The following ZPBP2 variants were observed in gnomAD, a reference collection of about 807,000 sequenced individuals.
The protein encoded by ZPBP2 is zona pellucida-binding protein 2.
Under a neutral mutation model 37.5 loss-of-function variants are expected in ZPBP2, and 34 were observed. The ratio of observed to expected loss-of-function variants is 0.91; its 90% CI spans 0.69 to 1.21. The LOEUF (loss-of-function observed/expected upper bound fraction) is 1.21, where lower values mean the gene tolerates loss of function less well. Among genes scored for constraint, ZPBP2 ranks in the 50% most tolerant of loss-of-function variants. The pLI is 0.00. For synonymous variants in ZPBP2, 143 were observed against 138.4 expected, an observed-to-expected ratio of 1.03 and a Z score of -0.23; for missense variants, 397 against 413.5, an observed-to-expected ratio of 0.96 and a Z score of 0.35.
At chr17:39,871,895 T>C (rs1302975378) in intron 4 of ZPBP2, among the ~76,000 whole-genome samples, 1 of 152,184 alleles carries the variant, frequency 6.6e-6, no homozygotes, top group African/African-American at 2.4e-5. Context: ...ATTTAAAAAC[T>C]GATCTTTAAT....
rs570927861 is a variant in ZPBP2 at position 39,870,200 on chromosome 17, C to T, written c.119-494C>T. 1.6e-4 allele frequency among the ~76,000 whole-genome samples: 24 copies of T among 152,188 alleles called. No individual in the cohort carries two copies. In the East Asian group the frequency reaches 3.7e-3, roughly 23 times the overall value. On this transcript the variant is annotated intron_variant, in intron 2 of 7. Coordinates refer to ENST00000348931, the MANE Select transcript of ZPBP2 (RefSeq NM_199321.3). ...CTGGGATTATAGGCCCACATTACCA[C>T]GCCAAGCTAAGTTTTGTATTTTTAG...
Position 39,868,631 on chromosome 17 carries a change from C to A in ZPBP2, c.118+17C>A, listed in dbSNP as rs888758016. 2.5e-6 allele frequency: 4 copies of A among 1,613,846 alleles called. No individual in the cohort carries two copies. Among genetic ancestry groups the A allele is most frequent in the East Asian group, 4.5e-5 (2 of 44,892 alleles). ...GACAGCCAGGTAATAAGGGCCTCTG[C>A]ACACGCGGGCCCATTGGAGGGGCCG... On this transcript the variant is annotated intron_variant, in intron 2 of 7. Coordinates refer to ENST00000348931, the MANE Select transcript of ZPBP2 (RefSeq NM_199321.3).
intron 4 of ZPBP2, 24 bp downstream of exon 4, chr17:39,871,649 C>T (rs745330402): frequency 2.9e-5 from 44 of 1,506,864 alleles, no homozygotes; most frequent in Admixed American, 6.9e-5. Flanking sequence ...CACATTTTAA[C>T]TTATACATTT....
intron 2 of ZPBP2, among the ~76,000 whole-genome samples, chr17:39,869,154 G>A (rs1484546622): frequency 1.3e-5 from 2 of 152,134 alleles, no homozygotes; most frequent in East Asian, 1.9e-4. Context: ...CAACCAAATT[G>A]TAGGACGTTG....
intron 7 of ZPBP2, among the ~76,000 whole-genome samples, chr17:39,875,898 T>C (rs1462246802): frequency 3.6e-5 from 4 of 110,544 alleles, no homozygotes; most frequent in Non-Finnish European, 7.9e-5. Flanking sequence ...TTTTTTTTTT[T>C]TTTTTTTTTT....
Position 39,874,150 on chromosome 17 carries a change from C to A in ZPBP2, c.708+1024C>A, listed in dbSNP as rs113768109. Among the ~76,000 whole-genome samples the A allele has an allele frequency of 6.4e-3, 969 of 151,898 alleles. 10 individuals carry two copies. Among genetic ancestry groups the A allele is most frequent in the African/African-American group, 0.022 (895 of 41,394 alleles). The stretch of plus-strand genomic sequence containing the variant: ...AAAGGTGCACACCACCACACCCACA[C>A]CCGGCTAATTTTTTGTGTTTTTATC... On this transcript the variant is annotated intron_variant, in intron 6 of 7. Coordinates refer to ENST00000348931, the MANE Select transcript of ZPBP2 (RefSeq NM_199321.3).
Position 39,876,161 on chromosome 17 carries a change from T to C in ZPBP2, c.890-521T>C, listed in dbSNP as rs535638859. Among the ~76,000 whole-genome samples, 8 of 152,120 alleles carry C rather than the reference T, an allele frequency of 5.3e-5. No homozygotes were observed. The East Asian group carries it at 5.8e-4, about 11-fold the overall frequency. On this transcript the variant is annotated intron_variant, in intron 7 of 7. Transcript: ENST00000348931. ...TTGGAATTCCTGGGCTCAAGCAATCTGCCCGCCTTGGCCTCCCAAAGTGCT... is the reference window on the plus strand; with the variant it reads ...TTGGAATTCCTGGGCTCAAGCAATCCGCCCGCCTTGGCCTCCCAAAGTGCT...
chr17:39,873,022 C>CTA, intron 5 of ZPBP2, 22 bp from the exon 6 acceptor site: 4 of 1,606,350 alleles, frequency 2.5e-6, no homozygotes, highest in Non-Finnish European at 3.4e-6. Context: ...CTTTGTGAGT[C>CTA]TATCATTTTT....
At chr17:39,869,986 T>C (rs1297189064) in intron 2 of ZPBP2, among the ~76,000 whole-genome samples, 2 of 152,132 alleles carry the variant, frequency 1.3e-5, no homozygotes, top group Non-Finnish European at 2.9e-5. Flanking sequence ...AGTGCTGGGA[T>C]TACAGGCATG....
At chr17:39,871,252 A>C (rs1212817684) in intron 3 of ZPBP2, among the ~76,000 whole-genome samples, 1 of 152,216 alleles carries the variant, frequency 6.6e-6, no homozygotes, top group East Asian at 1.9e-4. Flanking sequence ...CTAGATGCCA[A>C]GAAACAAAGA....
intron 1 of ZPBP2, 36 bp downstream of exon 1, chr17:39,868,442 C>T: frequency 6.2e-7 from 1 of 1,611,828 alleles, no homozygotes; most frequent in East Asian, 2.2e-5. Context: ...AGGCCTCTCC[C>T]TCTGCCCGAG....
intron 2 of ZPBP2, among the ~76,000 whole-genome samples, chr17:39,869,567 G>C (rs1387258363): frequency 7.0e-6 from 1 of 143,338 alleles, no homozygotes; most frequent in East Asian, 1.9e-4. Context: ...ACCACGCCTG[G>C]CTAATTTCTG....
chr17:39,875,548 A>T (rs987978794), intron 7 of ZPBP2, 114 bp downstream of exon 7: 1 of 838,070 alleles, frequency 1.2e-6, no homozygotes, highest in Non-Finnish European at 1.6e-6. Flanking sequence ...TTACCAAAAA[A>T]TATATATATA....
chr17:39,868,467 C>T (rs2063346173), intron 1 of ZPBP2, 61 bp downstream of exon 1: 2 of 1,612,558 alleles, frequency 1.2e-6, no homozygotes, highest in Non-Finnish European at 8.5e-7. Context: ...CCGGTCCTGC[C>T]TCCTTCGCCT....
intron 7 of ZPBP2, among the ~76,000 whole-genome samples, chr17:39,876,090 G>A (rs759330867): frequency 4.8e-4 from 72 of 151,312 alleles, no homozygotes; most frequent in Non-Finnish European, 9.3e-4. Flanking sequence ...ACTAATTTTT[G>A]TATTTTTAGT....
intron 2 of ZPBP2, among the ~76,000 whole-genome samples, chr17:39,870,286 C>T (rs889899859): frequency 2.0e-5 from 3 of 151,690 alleles, no homozygotes; most frequent in Non-Finnish European, 2.9e-5. Flanking sequence ...TCAAGCGATC[C>T]GCTCCCTCGG....
At position 39,868,345 on chromosome 17, in the gene ZPBP2, C is replaced by T. The variant is rs374192011; in HGVS notation, c.-10C>T. 3.1e-6 allele frequency: 5 copies of T among 1,608,126 alleles called. No homozygotes were observed. Among genetic ancestry groups the T allele is most frequent in the Admixed American group, 1.7e-5 (1 of 60,026 alleles). On this transcript the variant is annotated 5_prime_UTR_variant, in exon 1 of 8. Transcript: ENST00000348931. ...CCCTCGACGCCTCCTGCGACGCCAG[C>T]CCCTGAGCGATGATGCGAACGTGCG...
At chr17:39,869,558 C>T (rs1236780605) in intron 2 of ZPBP2, among the ~76,000 whole-genome samples, 1 of 150,250 alleles carries the variant, frequency 6.7e-6, no homozygotes, top group Non-Finnish European at 1.5e-5. Flanking sequence ...GCGTGCGCCA[C>T]CACGCCTGGC....
chr17:39,868,503 C>G (rs1476017385), intron 1 of ZPBP2, 46 bp from the exon 2 acceptor site: 4 of 1,613,942 alleles, frequency 2.5e-6, no homozygotes, highest in African/African-American at 1.3e-5. Flanking sequence ...GACTCTGAAC[C>G]CTGCTCCTCT....
Sources: gnomAD v4.1 joint callset for allele counts (sites outside exome capture counted in the v4.1 genomes callset) on GRCh38, gnomAD v4.1.1 for gene constraint, MANE v1.5 for transcripts, NCBI Gene and HGNC (gene_info 2026-07-23, HGNC 2026-07-21) for gene names.